Variants in MLLT10 observed in about 807,000 individuals in gnomAD.
MLLT10 encodes the protein MLLT10 histone lysine methyltransferase DOT1L cofactor.
MLLT10 carries 30 observed loss-of-function variants against 129.1 expected under a neutral mutation model. The ratio of observed to expected loss-of-function variants is 0.23; its 90% CI spans 0.17 to 0.32. MLLT10 has a LOEUF of 0.32. Among genes scored for constraint, MLLT10 ranks in the 10% least tolerant of loss-of-function variants. MLLT10 has a pLI of 1.00. For synonymous variants in MLLT10, 490 were observed against 446.4 expected, an observed-to-expected ratio of 1.10 and a Z score of -1.23; for missense variants, 1,119 against 1,268.3, an observed-to-expected ratio of 0.88 and a Z score of 1.79.
At chr10:21,692,174 GA>G (rs1269684234) in intron 13 of MLLT10, among the ~76,000 whole-genome samples, 2 of 151,240 alleles carry the variant, frequency 1.3e-5, no homozygotes, top group African/African-American at 4.9e-5. Flanking sequence ...CCCTGTCTTA[GA>G]AAAATAAAAA....
intron 21 of MLLT10, chr10:21,738,621 TC>T: frequency 8.6e-7 from 1 of 1,160,880 alleles, no homozygotes; most frequent in Non-Finnish European, 1.1e-6. Flanking sequence ...TGACTCTGCT[TC>T]CCCCAGATGA....
chr10:21,617,276 A>T, intron 8 of MLLT10, 69 bp downstream of exon 8: 1 of 696,162 alleles, frequency 1.4e-6, no homozygotes, highest in Non-Finnish European at 2.2e-6. Flanking sequence ...GCCTTTTTAG[A>T]TAAAATTACA....
intron 5 of MLLT10, among the ~76,000 whole-genome samples, chr10:21,605,998 A>G (rs2044023794): frequency 6.6e-6 from 1 of 152,058 alleles, no homozygotes; most frequent in Non-Finnish European, 1.5e-5. Context: ...CATTTTTCCA[A>G]CAGCATGTGC....
intron 9 of MLLT10, among the ~76,000 whole-genome samples, chr10:21,656,805 A>G (rs1484760802): frequency 6.6e-6 from 1 of 152,118 alleles, no homozygotes; most frequent in African/African-American, 2.4e-5. Flanking sequence ...GTTCACTAAG[A>G]TTGTTATCAG....
intron 3 of MLLT10, among the ~76,000 whole-genome samples, chr10:21,558,535 C>T (rs2038368251): frequency 6.6e-6 from 1 of 150,968 alleles, no homozygotes; most frequent in South Asian, 2.1e-4. Context: ...CAAGTTTCTT[C>T]TTCTTTTTTT....
chr10:21,569,029 G>A (rs2039908206), intron 3 of MLLT10, among the ~76,000 whole-genome samples: 3 of 152,108 alleles, frequency 2.0e-5, no homozygotes, highest in Admixed American at 2.0e-4. Context: ...TATCACAGTT[G>A]TAAGAAAAAA....
At position 21,589,230 on chromosome 10, in the gene MLLT10, C is replaced by T. The variant is rs576096839; in HGVS notation, c.295+2882C>T. Among the ~76,000 whole-genome samples, 14 of 151,682 alleles carry T rather than the reference C, an allele frequency of 9.2e-5. No homozygotes were observed. The East Asian group carries it at 1.4e-3, about 15-fold the overall frequency. ...TTTAAAAAAATTTTTTTTTACCGTGCATGAGTTTCTGATTTTAATTTTGTT... is the reference window on the plus strand; with the variant it reads ...TTTAAAAAAATTTTTTTTTACCGTGTATGAGTTTCTGATTTTAATTTTGTT... On this transcript the variant is annotated intron_variant, in intron 4 of 22. Transcript: ENST00000307729.
chr10:21,701,477 T>C (rs2054907197), intron 13 of MLLT10, among the ~76,000 whole-genome samples: 1 of 152,140 alleles, frequency 6.6e-6, no homozygotes, highest in Non-Finnish European at 1.5e-5. Context: ...AGTGTTGTTT[T>C]TGCTGTATCA....
chr10:21,715,442 T>C (rs1197805083), intron 14 of MLLT10, among the ~76,000 whole-genome samples: 1 of 152,170 alleles, frequency 6.6e-6, no homozygotes, highest in Non-Finnish European at 1.5e-5. Context: ...TAACAGGGGT[T>C]TGGGGTTAGA....
chr10:21,695,486 A>T (rs1249841308), intron 13 of MLLT10, among the ~76,000 whole-genome samples: 1 of 152,270 alleles, frequency 6.6e-6, no homozygotes, highest in African/African-American at 2.4e-5. Flanking sequence ...CCACTACAAG[A>T]TACTCTGTGT....
At chr10:21,617,234 T>G in intron 8 of MLLT10, 27 bp downstream of exon 8, 1 of 1,319,894 alleles carries the variant, frequency 7.6e-7, no homozygotes, top group African/African-American at 1.5e-5. Flanking sequence ...TTGCTAAATT[T>G]GTAGCACATC....
chr10:21,637,168 A>G (rs930402438), intron 8 of MLLT10, among the ~76,000 whole-genome samples: 1 of 152,192 alleles, frequency 6.6e-6, no homozygotes, highest in African/African-American at 2.4e-5. Context: ...ATCATAATTC[A>G]TAGAAACATG....
rs964438949 is a variant in MLLT10 at position 21,534,423 on chromosome 10, G to T, written c.-98G>T. The stretch of plus-strand genomic sequence containing the variant: ...GAGGGAAGACGCTGAGGAGGAGGAG[G>T]AGGCGGAGGAGGCGGTGGAGGGGAG... On this transcript the variant is annotated 5_prime_UTR_variant, in exon 1 of 23. Coordinates refer to ENST00000307729, the MANE Select transcript of MLLT10 (RefSeq NM_001195626.3). The T allele has an allele frequency of 2.1e-6, 1 of 480,484 alleles. No individual in the cohort carries two copies. The highest frequency in any genetic ancestry group is 3.7e-6 in the Non-Finnish European group (1 of 272,494). The allele number at this position is 480,484 out of a possible 1,614,324, so 29.8% of individuals were successfully genotyped here. A position where few individuals can be genotyped will look rare whatever the true frequency, so the allele number is the denominator to read the frequency against.
intron 4 of MLLT10, among the ~76,000 whole-genome samples, chr10:21,589,210 A>G (rs1158377842): frequency 2.0e-5 from 3 of 152,118 alleles, no homozygotes; most frequent in Non-Finnish European, 4.4e-5. Flanking sequence ...TGTGCTTTAA[A>G]AAAATTTTTT....
chr10:21,640,725 A>G (rs1163393944), intron 8 of MLLT10, among the ~76,000 whole-genome samples: 1 of 152,146 alleles, frequency 6.6e-6, no homozygotes, highest in Non-Finnish European at 1.5e-5. Flanking sequence ...AATCCAGAAT[A>G]ATGGGTTGCC....
At chr10:21,665,429 C>T (rs993670059) in intron 9 of MLLT10, among the ~76,000 whole-genome samples, 3 of 151,510 alleles carry the variant, frequency 2.0e-5, no homozygotes, top group African/African-American at 4.9e-5. Flanking sequence ...GCTGGGATTA[C>T]AGGTATGTGC....
At chr10:21,689,547 A>ATATATATATATATATATG (rs1458991991) in intron 13 of MLLT10, among the ~76,000 whole-genome samples, 4 of 79,526 alleles carry the variant, frequency 5.0e-5, no homozygotes, top group Non-Finnish European at 9.3e-5. Flanking sequence ...GTGTAAAGTA[A>ATATATATATATATATATG]TATATATATA....
intron 8 of MLLT10, among the ~76,000 whole-genome samples, chr10:21,649,637 G>A (rs2048830592): frequency 6.6e-6 from 1 of 152,200 alleles, no homozygotes; most frequent in South Asian, 2.1e-4. Flanking sequence ...GCTGGCTATA[G>A]GCTAGAGTAC....
chr10:21,534,506 A>T lies in MLLT10; in HGVS notation c.-15A>T. ...CTCCTGTGCGGAACGTGAGTGACTG[A>T]GCGGCAAAGCCCGAGTGAGCGAGCG... On this transcript the variant is annotated 5_prime_UTR_variant, in exon 1 of 23. Coordinates refer to ENST00000307729, the MANE Select transcript of MLLT10 (RefSeq NM_001195626.3). The T allele has an allele frequency of 4.8e-6, 4 of 825,524 alleles. No individual in the cohort carries two copies. The Middle Eastern group carries it at 1.2e-3, about 238-fold the overall frequency. 51.1% of individuals were successfully genotyped at this position (825,524 alleles called of 1,614,324 possible).
Sources: allele counts gnomAD v4.1 joint callset (sites outside exome capture counted in the v4.1 genomes callset), GRCh38; gene constraint gnomAD v4.1.1; transcripts MANE v1.5; gene names NCBI Gene and HGNC (gene_info 2026-07-23, HGNC 2026-07-21).